Variants in JAK3 observed in about 807,000 individuals in gnomAD.
JAK3 encodes tyrosine-protein kinase JAK3.
JAK3 carries 88 observed loss-of-function variants against 120.8 expected under a neutral mutation model. The ratio of observed to expected loss-of-function variants is 0.73; its 90% confidence interval spans 0.61 to 0.87. JAK3 has a LOEUF of 0.87. JAK3 is among the 40% of genes least tolerant of loss of function. JAK3 has a pLI of 0.00. For synonymous variants in JAK3, 592 were observed against 628.6 expected (o/e 0.94, Z 0.87); for missense variants, 1,254 against 1,501.4 (o/e 0.84, Z 2.72).
At position 17,834,605 on chromosome 19, in the gene JAK3, G is replaced by T. The variant is rs139268535; in HGVS notation, c.2316C>A (p.Ala772=). The T allele has an allele frequency of 1.1e-4, 174 of 1,607,340 alleles. 1 individual carries two copies. Among genetic ancestry groups the T allele is most frequent in the African/African-American group, 5.2e-4 (39 of 74,596 alleles). ...TGAGGCTATTGAGGTCACGAATGAC[G>T]GCTCGGAAGGAGGGCCTCTGGACCG... ...YEPVQRPSFR[A]VIRDLNSLIS... Residue 772 remains alanine (A), a synonymous_variant, in exon 17 of 24, where the codon GCC becomes GCA. Coordinates refer to ENST00000458235, the MANE Select transcript of JAK3 (RefSeq NM_000215.4).
rs200658439 is a variant in JAK3 at position 17,834,564 on chromosome 19, C to T, written c.2350+7G>A. ...GCCCTCCCCACCCAACCCGTCCCAG[C>T]GGGCACCTGAAGAGATGAGGCTATT... On this transcript the variant is annotated splice_region_variant and intron_variant, in intron 17 of 23. Coordinates refer to ENST00000458235, the MANE Select transcript of JAK3 (RefSeq NM_000215.4). 3.0e-5 allele frequency: 49 copies of T among 1,613,598 alleles called. No individual in the cohort carries two copies. Among genetic ancestry groups the T allele is most frequent in the Middle Eastern group, 1.7e-4 (1 of 6,052 alleles).
rs11888 is a variant in JAK3 at position 17,824,817 on chromosome 19, T to C, written c.*1926A>G. 0.38 allele frequency: 74,972 copies of C among 196,984 alleles called. 14,578 individuals carry two copies. Among genetic ancestry groups the C allele is most frequent in the East Asian group, 0.45 (5,710 of 12,634 alleles). 12.2% of individuals were successfully genotyped at this position (196,984 alleles called of 1,614,324 possible). On this transcript the variant is annotated 3_prime_UTR_variant, in exon 24 of 24. Coordinates refer to ENST00000458235, the MANE Select transcript of JAK3 (RefSeq NM_000215.4). Reference sequence around the variant, plus strand: ...AATTCCTTTATTCAGTCAACAAACATTTCCAGAGCCCCCTCTGTACTGAGG... The same window carrying C: ...AATTCCTTTATTCAGTCAACAAACACTTCCAGAGCCCCCTCTGTACTGAGG...
Position 17,843,078 on chromosome 19 carries a change from C to T in JAK3, c.515G>A (p.Arg172Gln), listed in dbSNP as rs750606059. ...CLSLAVLDLA[R>Q]MAREQAQRPG... ...CCGCTGGGCCTGCTCTCGCGCCATC[C>T]GGGCCAGGTCCAACACGGCCAGGCT... is the stretch of plus-strand genomic sequence containing the variant. Residue 172 changes from arginine (R) to glutamine (Q), a missense_variant, in exon 5 of 24, where the codon CGG becomes CAG. Around this residue, in one of 3 missense-constraint regions of JAK3, gnomAD observed 486 missense variants for 503.0 expected, o/e 0.97. Transcript: ENST00000458235. The surrounding 1 kb of genome is among the most constrained non-coding windows in gnomAD (Gnocchi z 5.4). The T allele has an allele frequency of 1.9e-6, 3 of 1,610,758 alleles. No individual in the cohort carries two copies. The highest frequency in any genetic ancestry group is 2.5e-6 in the Non-Finnish European group (3 of 1,179,952).
chr19:17,833,660 G>A (rs1052573502), intron 17 of JAK3, among the ~76,000 whole-genome samples: 25 of 151,388 alleles, frequency 1.7e-4, no homozygotes, highest in African/African-American at 5.1e-4. Context: ...AGACTAGCCC[G>A]GCCAACATGG....
rs747131454 is a variant in JAK3, at chr19:17,835,179, G to A, written c.1951C>T (p.Arg651Trp). Residue 651 changes from arginine (R) to tryptophan (W), a missense_variant, in exon 15 of 24, where the codon CGG (arginine) becomes TGG (tryptophan). Physicochemically the swap from Arg to Trp is moderately radical, Grantham distance 101. Transcript: ENST00000458235. Reference protein sequence around the residue: ...KGLPHGNVSARKVLLAREGAD... With the variant: ...KGLPHGNVSAWKVLLAREGAD... Reference sequence around the variant, plus strand: ...CCCTCCCGAGCCAGGAGCACCTTCCGGGCAGAGACATTGCCATGGGGCAGG... The same window carrying A: ...CCCTCCCGAGCCAGGAGCACCTTCCAGGCAGAGACATTGCCATGGGGCAGG... The A allele has an allele frequency of 8.7e-6, 14 of 1,614,182 alleles. No homozygotes were observed. The highest frequency in any genetic ancestry group is 3.3e-5 in the South Asian group (3 of 91,086).
chr19:17,843,256 G>A lies in JAK3; in HGVS notation c.421-84C>T. On this transcript the variant is annotated intron_variant, in intron 4 of 23. Transcript: ENST00000458235. The surrounding 1 kb of genome is among the most constrained non-coding windows in gnomAD (Gnocchi z 5.4). Reference sequence around the variant, plus strand: ...AACCTGCAGACCCCCCCAATCCTGGGCTGACCCCCACCCCTGGACTGCCAC... The same window carrying A: ...AACCTGCAGACCCCCCCAATCCTGGACTGACCCCCACCCCTGGACTGCCAC... The A allele has an allele frequency of 6.5e-7, 1 of 1,546,582 alleles. No homozygotes were observed. Among genetic ancestry groups the A allele is most frequent in the Admixed American group, 1.9e-5 (1 of 51,358 alleles).
At chr19:17,828,430 T>C (rs532908590) in intron 23 of JAK3, among the ~76,000 whole-genome samples, 74 of 151,820 alleles carry the variant, frequency 4.9e-4, no homozygotes, top group Non-Finnish European at 9.3e-4. Flanking sequence ...ATTGCTTGTA[T>C]TGTTTGTAGA....
Position 17,842,256 on chromosome 19 carries a change from GGCCCCTCCCCGA to G in JAK3, c.861+48_861+59del. On this transcript the variant is annotated intron_variant, in intron 6 of 23. Coordinates refer to ENST00000458235, the MANE Select transcript of JAK3 (RefSeq NM_000215.4). This position sits in a 1 kb window ranked among gnomAD's most constrained non-coding sequence, Gnocchi z 6.4. ...CGCCCCACATCCCCTACCACTCTCC[GGCCCCTCCCCGA>G]GCCCCGCCCCCACGTTGGCCCCGCC... is the stretch of plus-strand genomic sequence containing the variant. 1 of 1,412,238 alleles carries G rather than the reference GGCCCCTCCCCGA, an allele frequency of 7.1e-7. No individual in the cohort carries two copies. The highest frequency in any genetic ancestry group is 9.3e-7 in the Non-Finnish European group (1 of 1,073,558). 87.5% of individuals were successfully genotyped at this position (1,412,238 alleles called of 1,614,324 possible). A position where few individuals can be genotyped will look rare whatever the true frequency, so the allele number is the denominator to read the frequency against.
At chr19:17,834,825 G>C in intron 16 of JAK3, 27 bp downstream of exon 16, 1 of 1,613,718 alleles carries the variant, frequency 6.2e-7, no homozygotes, top group Non-Finnish European at 8.5e-7. Context: ...GGGGTTCGGA[G>C]ACCGATGCCG....
rs371883879 is a variant in JAK3 at position 17,831,727 on chromosome 19, G to A, written c.2752C>T (p.Arg918Cys). 1.9e-6 allele frequency: 3 copies of A among 1,612,016 alleles called. No homozygotes were observed. The highest frequency in any genetic ancestry group is 1.7e-6 in the Non-Finnish European group (2 of 1,179,586). Reference sequence around the variant, plus strand: ...AGGCGGCTGGCATCGAGGCGCGCGCGGTGCCGCTGCAGGAAGTCGCGCAAG... The same window carrying A: ...AGGCGGCTGGCATCGAGGCGCGCGCAGTGCCGCTGCAGGAAGTCGCGCAAG... ...GCLRDFLQRHRARLDASRLLL... is the reference protein window; with the variant it reads ...GCLRDFLQRHCARLDASRLLL... Residue 918 changes from arginine (R) to cysteine (C), a missense_variant, in exon 20 of 24, where the codon CGC becomes TGC. Arg to Cys is a radical substitution (Grantham distance 180). Coordinates refer to ENST00000458235, the MANE Select transcript of JAK3 (RefSeq NM_000215.4). This position sits in a 1 kb window ranked among gnomAD's most constrained non-coding sequence, Gnocchi z 5.1.
At chr19:17,829,158 GTTTA>G (rs3212785) in intron 23 of JAK3, among the ~76,000 whole-genome samples, 20 of 151,740 alleles carry the variant, frequency 1.3e-4, no homozygotes, top group South Asian at 1.0e-3. Flanking sequence ...TTATTTGTTT[GTTTA>G]TTTATTTATT....
chr19:17,832,920 A>G lies in JAK3; in HGVS notation c.2360T>C (p.Leu787Pro). 6.2e-7 allele frequency: 1 copy of G among 1,613,624 alleles called. No homozygotes were observed. The highest frequency in any genetic ancestry group is 1.1e-5 in the South Asian group (1 of 91,012). ...GGCACCAGGTGTGGGGTCTGAGAGGAGCTCATAGTCTGGGGTGGGGGCATG... is the reference window on the plus strand; with the variant it reads ...GGCACCAGGTGTGGGGTCTGAGAGGGGCTCATAGTCTGGGGTGGGGGCATG... Reference protein sequence around the residue: ...LNSLISSDYELLSDPTPGALA... With the variant: ...LNSLISSDYEPLSDPTPGALA... Residue 787 changes from leucine (L) to proline (P), a missense_variant, in exon 18 of 24, where the codon CTC becomes CCC. This residue lies in a region of JAK3 where 630 missense variants were observed against 819.8 expected (regional missense o/e 0.77). Coordinates refer to ENST00000458235, the MANE Select transcript of JAK3 (RefSeq NM_000215.4). The surrounding 1 kb of genome is among the most constrained non-coding windows in gnomAD (Gnocchi z 4.7).
Position 17,831,978 on chromosome 19 carries a change from G to A in JAK3, c.2681-180C>T, listed in dbSNP as rs1215237636. Among the ~76,000 whole-genome samples the A allele has an allele frequency of 4.6e-5, 7 of 152,222 alleles. No homozygotes were observed. The highest frequency in any genetic ancestry group is 7.3e-5 in the Non-Finnish European group (5 of 68,044). On this transcript the variant is annotated intron_variant, in intron 19 of 23. Coordinates refer to ENST00000458235, the MANE Select transcript of JAK3 (RefSeq NM_000215.4). The surrounding 1 kb of genome is among the most constrained non-coding windows in gnomAD (Gnocchi z 5.1). Reference sequence around the variant, plus strand: ...AGTACTTTCTACAACATACATTGATGTGTTTATATATCACGGCCAGGTGCA... The same window carrying A: ...AGTACTTTCTACAACATACATTGATATGTTTATATATCACGGCCAGGTGCA...
intron 1 of JAK3, among the ~76,000 whole-genome samples, chr19:17,845,271 GATTCTC>G (rs2094249528): frequency 6.6e-6 from 1 of 152,058 alleles, no homozygotes; most frequent in Non-Finnish European, 1.5e-5. Context: ...AAGTTCAAGA[GATTCTC>G]GTGCCTCAGC....
At chr19:17,828,069 GTCCTCCACTGGAAATTTCTTC>G (rs2094207367) in intron 23 of JAK3, among the ~76,000 whole-genome samples, 1 of 151,690 alleles carries the variant, frequency 6.6e-6, no homozygotes, top group African/African-American at 2.4e-5. Flanking sequence ...TCCCTTCCGT[GTCCTCCACTGGAAATTTCTTC>G]TCCTAGCTTT....
chr19:17,836,125 T>C lies in JAK3; in HGVS notation c.1787-74A>G, dbSNP rs1459694404. 5.1e-6 allele frequency: 8 copies of C among 1,572,560 alleles called. No homozygotes were observed. The Admixed American group carries it at 1.2e-4, about 23-fold the overall frequency. On this transcript the variant is annotated intron_variant, in intron 13 of 23. Coordinates refer to ENST00000458235, the MANE Select transcript of JAK3 (RefSeq NM_000215.4). ...TGTTGAGGAGGTTCTGCCAACACCC[T>C]GGCTCTCAGGGTCTCTCAAACTCTC...
intron 13 of JAK3, 112 bp downstream of exon 13, chr19:17,837,017 G>C (rs1568403651): frequency 6.7e-6 from 5 of 746,352 alleles, no homozygotes; most frequent in Admixed American, 4.0e-5. Context: ...TCCCATCCAG[G>C]GTGGCCCAGT....
rs1186688399 is a variant in JAK3, at chr19:17,839,643, A to G, written c.1275T>C (p.Tyr425=). Reference sequence around the variant, plus strand: ...GGCTGCGCCGGATGAGGCAGCCCTTATAATCAGGACCAAGGGGGTTCTGCA... The same window carrying G: ...GGCTGCGCCGGATGAGGCAGCCCTTGTAATCAGGACCAAGGGGGTTCTGCA... The part of the protein sequence containing the change: ...VCVQNPLGPD[Y]KGCLIRRSPT... The change falls in exon 10 of 24, where the codon TAT becomes TAC. Residue 425 remains tyrosine (Y), a synonymous_variant. Transcript: ENST00000458235. The G allele has an allele frequency of 2.5e-6, 4 of 1,610,740 alleles. No individual in the cohort carries two copies. Among genetic ancestry groups the G allele is most frequent in the Non-Finnish European group, 3.4e-6 (4 of 1,179,090 alleles).
intron 23 of JAK3, 122 bp downstream of exon 23, chr19:17,829,986 C>T (rs112377113): frequency 6.7e-6 from 5 of 750,918 alleles, no homozygotes; most frequent in Non-Finnish European, 1.2e-5. Context: ...GGGCCAGGAT[C>T]CTCATCGGCC....
Sources: gnomAD v4.1 joint callset for allele counts (sites outside exome capture counted in the v4.1 genomes callset) on GRCh38, gnomAD v4.1.1 for gene constraint, gnomAD v4.1.1 regional missense constraint, Gnocchi (gnomAD v3.1) non-coding constraint, MANE v1.5 for transcripts, NCBI Gene and HGNC (gene_info 2026-07-23, HGNC 2026-07-21) for gene names.